Variants in HPSE2 observed in about 807,000 individuals in gnomAD.
HPSE2 encodes inactive heparanase-2.
In HPSE2, 38 loss-of-function variants were observed where a neutral mutation model predicts 60.5. The ratio of observed to expected loss-of-function variants is 0.63; its 90% CI spans 0.48 to 0.82. HPSE2 has a LOEUF of 0.82. HPSE2 is among the 40% of genes least tolerant of loss of function. HPSE2 has a pLI of 0.00. For synonymous variants in HPSE2, 295 were observed against 293.2 expected (o/e 1.01, Z -0.06); for missense variants, 713 against 740.4 (o/e 0.96, Z 0.43).
rs1285239194 is a variant in HPSE2, at chr10:98,519,609, G to C, written c.1321-29413C>G. Among the ~76,000 whole-genome samples, 3 of 152,376 alleles carry C rather than the reference G, an allele frequency of 2.0e-5. No homozygotes were observed. The East Asian group carries it at 5.8e-4, about 29-fold the overall frequency. ...TGAGCCAGTGGAGAAATCTCTGGAA[G>C]GGCAGTTGGAAGTAACTGGCTGACT... On this transcript the variant is annotated intron_variant, in intron 9 of 11. Coordinates refer to ENST00000370552, the MANE Select transcript of HPSE2 (RefSeq NM_021828.5).
intron 11 of HPSE2, among the ~76,000 whole-genome samples, chr10:98,479,791 G>A (rs1020777127): frequency 9.2e-5 from 14 of 152,148 alleles, no homozygotes; most frequent in South Asian, 2.1e-4. Context: ...ATGTAAAATC[G>A]TTATGTGTGT....
At chr10:99,313,230 C>A in the HPSE2 span, among the ~76,000 whole-genome samples, 4 of 152,298 alleles carry the variant, frequency 2.6e-5, no homozygotes, top group East Asian at 7.7e-4. Flanking sequence ...ATTTGTGAAT[C>A]ATGGGAGGAC....
intron 3 of HPSE2, among the ~76,000 whole-genome samples, chr10:98,823,478 T>G (rs1951469901): frequency 6.6e-6 from 1 of 151,886 alleles, no homozygotes; most frequent in Non-Finnish European, 1.5e-5. Flanking sequence ...ACAAAAAAAT[T>G]AGCTGGGCGT....
chr10:99,004,072 T>C (rs150251435), intron 3 of HPSE2, among the ~76,000 whole-genome samples: 17 of 152,170 alleles, frequency 1.1e-4, no homozygotes, highest in African/African-American at 2.9e-4. Context: ...TCTTTTCCAT[T>C]TGTTTGTTTC....
At position 99,012,491 on chromosome 10, in the gene HPSE2, T is replaced by C. The variant is rs139056145; in HGVS notation, c.610+131747A>G. 3.2e-3 allele frequency among the ~76,000 whole-genome samples: 481 copies of C among 152,114 alleles called. 4 individuals carry two copies. Among genetic ancestry groups the C allele is most frequent in the African/African-American group, 0.011 (454 of 41,514 alleles). On this transcript the variant is annotated intron_variant, in intron 3 of 11. Coordinates refer to ENST00000370552, the MANE Select transcript of HPSE2 (RefSeq NM_021828.5). ...GGGTTGGTTAATACAATACAGAGAA[T>C]ATAGGGAGAAAGTATAAAATGGCAC...
the HPSE2 span, among the ~76,000 whole-genome samples, chr10:99,271,129 T>C: frequency 6.6e-6 from 1 of 152,090 alleles, no homozygotes; most frequent in Non-Finnish European, 1.5e-5. Context: ...CTGGAAGCCC[T>C]AGCCAGAGCA....
intron 3 of HPSE2, among the ~76,000 whole-genome samples, chr10:98,938,385 A>G (rs1954876554): frequency 6.9e-6 from 1 of 144,398 alleles, no homozygotes; most frequent in African/African-American, 2.8e-5. Context: ...AATACAGAGA[A>G]GTGCTTAAAG....
chr10:99,118,249 T>C (rs1057398224), intron 3 of HPSE2, among the ~76,000 whole-genome samples: 2 of 152,016 alleles, frequency 1.3e-5, no homozygotes, highest in African/African-American at 4.8e-5. Flanking sequence ...CTCAGCTGGG[T>C]GTGGTAGCTC....
chr10:98,888,174 ATG>A (rs982513758), intron 3 of HPSE2, among the ~76,000 whole-genome samples: 8 of 142,810 alleles, frequency 5.6e-5, no homozygotes, highest in South Asian at 2.3e-4. Flanking sequence ...ACACACACAC[ATG>A]CATGATAAGG....
chr10:98,457,097 T>C lies in HPSE2; in HGVS notation c.*2477A>G, dbSNP rs907456899. The C allele has an allele frequency of 6.6e-6, 1 of 152,278 alleles. No homozygotes were observed. The highest frequency in any genetic ancestry group is 2.4e-5 in the African/African-American group (1 of 41,476). 9.4% of individuals were successfully genotyped at this position (152,278 alleles called of 1,614,324 possible). ...AGAGATAAATTTCAGTAATTCCCTC[T>C]TCCTTTTATTAACTAAAAAATAAAC... On this transcript the variant is annotated 3_prime_UTR_variant, in exon 12 of 12. Coordinates refer to ENST00000370552, the MANE Select transcript of HPSE2 (RefSeq NM_021828.5).
intron 3 of HPSE2, among the ~76,000 whole-genome samples, chr10:99,121,208 G>A (rs1379330887): frequency 2.0e-5 from 3 of 152,038 alleles, no homozygotes; most frequent in African/African-American, 7.2e-5. Context: ...ACCAAATACT[G>A]CATGCTCTCA....
intron 11 of HPSE2, among the ~76,000 whole-genome samples, chr10:98,480,403 A>G (rs1203713467): frequency 6.6e-6 from 1 of 152,178 alleles, no homozygotes; most frequent in Non-Finnish European, 1.5e-5. Context: ...CATTCTTAAC[A>G]AAGTTGTAAC....
intron 6 of HPSE2, among the ~76,000 whole-genome samples, chr10:98,670,649 T>C (rs1010040968): frequency 6.6e-6 from 1 of 152,264 alleles, no homozygotes; most frequent in African/African-American, 2.4e-5. Flanking sequence ...GGCCTGGGCC[T>C]GCCTGGCCTA....
chr10:98,711,347 C>T (rs1156908093), intron 5 of HPSE2, among the ~76,000 whole-genome samples: 1 of 152,104 alleles, frequency 6.6e-6, no homozygotes, highest in Non-Finnish European at 1.5e-5. Flanking sequence ...GGAGCTCAAG[C>T]CCTGCTATAA....
chr10:98,992,123 A>G (rs942510759), intron 3 of HPSE2, among the ~76,000 whole-genome samples: 4 of 152,216 alleles, frequency 2.6e-5, no homozygotes, highest in African/African-American at 9.6e-5. Flanking sequence ...ATTCACAAAA[A>G]CAGGATAAAC....
At chr10:99,224,857 T>C (rs1849422207) in intron 2 of HPSE2, among the ~76,000 whole-genome samples, 1 of 152,134 alleles carries the variant, frequency 6.6e-6, no homozygotes, top group African/African-American at 2.4e-5. Flanking sequence ...GTTTATTTAC[T>C]GGCTTTTCTG....
intron 2 of HPSE2, among the ~76,000 whole-genome samples, chr10:99,185,753 G>A (rs945242277): frequency 2.6e-5 from 4 of 151,770 alleles, no homozygotes; most frequent in South Asian, 4.2e-4. Context: ...CAGCCTGGGC[G>A]ACAGAGTGAG....
At chr10:99,241,890 G>C in the HPSE2 span, among the ~76,000 whole-genome samples, 2 of 152,180 alleles carry the variant, frequency 1.3e-5, no homozygotes, top group African/African-American at 4.8e-5. Flanking sequence ...ATACATGAAT[G>C]ACTTAGTGGT....
chr10:98,997,308 G>T (rs1193167915), intron 3 of HPSE2, among the ~76,000 whole-genome samples: 1 of 151,608 alleles, frequency 6.6e-6, no homozygotes, highest in Non-Finnish European at 1.5e-5. Context: ...AACAGAGATG[G>T]GGTTTCACCA....
Sources: gnomAD v4.1 joint callset for allele counts (sites outside exome capture counted in the v4.1 genomes callset) on GRCh38, gnomAD v4.1.1 for gene constraint, MANE v1.5 for transcripts, NCBI Gene and HGNC (gene_info 2026-07-23, HGNC 2026-07-21) for gene names.